TUSC3: variants seen among roughly 807,000 people sequenced by gnomAD.
TUSC3 encodes tumor suppressor candidate 3.
A neutral mutation model predicts 44.8 loss-of-function variants in TUSC3; 45 were observed. That is an observed-to-expected ratio of 1.00 (90% CI 0.79 to 1.29). The LOEUF (loss-of-function observed/expected upper bound fraction) is 1.29, where lower values mean the gene tolerates loss of function less well. Ranked by LOEUF, TUSC3 falls within the 50% of genes most tolerant of loss-of-function variation. TUSC3 has a pLI of 0.00. For synonymous variants in TUSC3, 212 were observed against 152.9 expected, an observed-to-expected ratio of 1.39 and a Z score of -2.85; for missense variants, 519 against 437.9, an observed-to-expected ratio of 1.19 and a Z score of -1.65.
the TUSC3 span, among the ~76,000 whole-genome samples, chr8:15,841,606 C>T: frequency 1.3e-5 from 2 of 151,998 alleles, no homozygotes; most frequent in Admixed American, 6.6e-5. Flanking sequence ...CCCTGCCTCC[C>T]GGGTTCAAGC....
At chr8:15,568,359 G>A (rs1212886593) in intron 1 of TUSC3, among the ~76,000 whole-genome samples, 3 of 152,164 alleles carry the variant, frequency 2.0e-5, no homozygotes, top group South Asian at 2.1e-4. Flanking sequence ...TGCCCTCAGG[G>A]AGCTTCTATA....
intron 4 of TUSC3, among the ~76,000 whole-genome samples, chr8:15,661,574 G>A (rs993606738): frequency 6.6e-6 from 1 of 151,832 alleles, no homozygotes; most frequent in African/African-American, 2.4e-5. Flanking sequence ...CTGGTGATAC[G>A]AATTTCAAAT....
intron 2 of TUSC3, among the ~76,000 whole-genome samples, chr8:15,518,610 A>G (rs1801253532): frequency 6.6e-6 from 1 of 152,032 alleles, no homozygotes; most frequent in South Asian, 2.1e-4. Flanking sequence ...CTTTTTTTCC[A>G]TAGGATTATA....
In TUSC3 at chr8:15,540,323, G is replaced by A. The variant is rs563436944; in HGVS notation, c.-108G>A. On this transcript the variant is annotated 5_prime_UTR_variant, in exon 1 of 11. Coordinates refer to ENST00000503731, the MANE Select transcript of TUSC3 (RefSeq NM_006765.4). ...TCCCTCGCAAAGCCGCTGCCATCCC[G>A]GAGGGCCCAGCCAGCGGGCTCCCGG... 2,342 of 1,353,922 alleles carry A rather than the reference G, an allele frequency of 1.7e-3. 25 individuals are homozygous for A. In the African/African-American group the frequency reaches 0.028, roughly 16 times the overall value. 83.9% of individuals were successfully genotyped at this position (1,353,922 alleles called of 1,614,324 possible).
chr8:15,756,411 A>G (rs1055510192), intron 9 of TUSC3, among the ~76,000 whole-genome samples: 1 of 152,178 alleles, frequency 6.6e-6, no homozygotes, highest in Non-Finnish European at 1.5e-5. Context: ...AATAAAAAGT[A>G]CTCACTTTCA....
chr8:15,740,245 T>C (rs1404204856), intron 7 of TUSC3, among the ~76,000 whole-genome samples: 1 of 152,086 alleles, frequency 6.6e-6, no homozygotes, highest in Non-Finnish European at 1.5e-5. Flanking sequence ...ATCTCCTTAT[T>C]ACCTGACTTG....
intron 1 of TUSC3, among the ~76,000 whole-genome samples, chr8:15,543,877 G>T (rs1801773994): frequency 6.6e-6 from 1 of 150,534 alleles, no homozygotes; most frequent in East Asian, 2.0e-4. Context: ...AAGAGATTTG[G>T]TATCATAGAA....
intron 1 of TUSC3, among the ~76,000 whole-genome samples, chr8:15,446,676 A>G (rs1394987500): frequency 1.5e-5 from 2 of 137,630 alleles, no homozygotes; most frequent in Non-Finnish European, 3.1e-5. Flanking sequence ...AGATGGTGGC[A>G]GTCTAGTCCA....
intron 1 of TUSC3, among the ~76,000 whole-genome samples, chr8:15,463,655 A>G (rs1800377432): frequency 6.6e-6 from 1 of 152,162 alleles, no homozygotes; most frequent in South Asian, 2.1e-4. Flanking sequence ...TTACCAAATA[A>G]TTAGTGCTGC....
chr8:15,789,862 C>T, the TUSC3 span, among the ~76,000 whole-genome samples: 1 of 152,156 alleles, frequency 6.6e-6, no homozygotes, highest in Non-Finnish European at 1.5e-5. Flanking sequence ...CCAACTGATG[C>T]AGGGCAGACA....
chr8:15,567,099 C>G (rs543482196), intron 1 of TUSC3, among the ~76,000 whole-genome samples: 7 of 152,144 alleles, frequency 4.6e-5, no homozygotes, highest in Non-Finnish European at 8.8e-5. Context: ...GCCACCATAT[C>G]TTTCTGGGTC....
chr8:15,603,923 C>G (rs986379949), intron 1 of TUSC3, among the ~76,000 whole-genome samples: 10 of 151,368 alleles, frequency 6.6e-5, no homozygotes, highest in African/African-American at 2.4e-4. Context: ...AGTTTAAGAA[C>G]CCTTTTAGAG....
chr8:15,438,467 T>G (rs1053023258), intron 1 of TUSC3, among the ~76,000 whole-genome samples: 14 of 152,296 alleles, frequency 9.2e-5, no homozygotes, highest in African/African-American at 3.1e-4. Flanking sequence ...CCTGGAACCT[T>G]AATAATTGGA....
In TUSC3 at chr8:15,468,295, A is replaced by G. The variant is rs573267606; in HGVS notation, n.92-15091A>G. ...GAAAAAATTGCGTTTTCTAAGAAAT[A>G]GAAGCCCACTGGGTGTTGAACGGCT... On this transcript the variant is annotated intron_variant and non_coding_transcript_variant, in intron 1 of 5. Coordinates refer to the TUSC3 transcript ENST00000503191. Among the ~76,000 whole-genome samples the G allele has an allele frequency of 1.4e-4, 22 of 152,338 alleles. 1 individual carries two copies. The highest frequency in any genetic ancestry group is 5.0e-4 in the African/African-American group (21 of 41,586).
At chr8:15,638,252 C>G (rs1431615485) in intron 2 of TUSC3, among the ~76,000 whole-genome samples, 1 of 149,398 alleles carries the variant, frequency 6.7e-6, no homozygotes, top group African/African-American at 2.4e-5. Flanking sequence ...GCATGGATTA[C>G]TGAAGTTATA....
At chr8:15,523,700 G>GTATATATATATATATATATA (rs1373439598) in intron 2 of TUSC3, among the ~76,000 whole-genome samples, 6 of 103,294 alleles carry the variant, frequency 5.8e-5, no homozygotes, top group African/African-American at 8.7e-5. Context: ...GTGTGTGTGT[G>GTATATATATATATATATATA]TGTGTGTGTA....
chr8:15,764,778 G>T lies in TUSC3; in HGVS notation c.*622G>T, dbSNP rs1812282750. On this transcript the variant is annotated 3_prime_UTR_variant, in exon 11 of 11. Coordinates refer to ENST00000503731, the MANE Select transcript of TUSC3 (RefSeq NM_006765.4). The stretch of plus-strand genomic sequence containing the variant: ...ACCAAGGACTAGAGCTCCTTCTTGA[G>T]ATCTAAATCTAAAGTAAATGTGCAT... 6.6e-6 allele frequency: 1 copy of T among 152,426 alleles called. No homozygotes were observed. The allele number at this position is 152,426 out of a possible 1,614,324, so 9.4% of individuals were successfully genotyped here.
chr8:15,749,253 T>C (rs1811585258), intron 9 of TUSC3, among the ~76,000 whole-genome samples: 2 of 152,168 alleles, frequency 1.3e-5, no homozygotes, highest in South Asian at 2.1e-4. Flanking sequence ...CAGTGATATG[T>C]TGATAGAAAA....
intron 1 of TUSC3, among the ~76,000 whole-genome samples, chr8:15,550,271 A>G (rs941055773): frequency 2.0e-5 from 3 of 151,822 alleles, no homozygotes. Context: ...TTGGCATAAG[A>G]CAATATGATG....
Sources: gnomAD v4.1 joint callset for allele counts (sites outside exome capture counted in the v4.1 genomes callset) on GRCh38, gnomAD v4.1.1 for gene constraint, MANE v1.5 for transcripts, NCBI Gene and HGNC (gene_info 2026-07-23, HGNC 2026-07-21) for gene names.